The following SIPA1L2 variants were observed in gnomAD, a reference collection of about 807,000 sequenced individuals.
The protein encoded by SIPA1L2 is signal-induced proliferation-associated 1-like protein 2.
SIPA1L2 carries 56 observed loss-of-function variants against 163.9 expected under a neutral mutation model. The ratio of observed to expected loss-of-function variants is 0.34; its 90% CI spans 0.28 to 0.43. The LOEUF is 0.43. Among genes scored for constraint, SIPA1L2 ranks in the 20% least tolerant of loss-of-function variants. The pLI, the probability that SIPA1L2 is intolerant of heterozygous loss-of-function variation, is 1.00. For synonymous variants in SIPA1L2, 877 were observed against 865.7 expected, an observed-to-expected ratio of 1.01 and a Z score of -0.23; for missense variants, 1,974 against 2,193.5, an observed-to-expected ratio of 0.90 and a Z score of 2.00.
chr1:232,513,836 A>G (rs200189337), intron 3 of SIPA1L2, 21 bp downstream of exon 3: 1 of 1,534,894 alleles, frequency 6.5e-7, no homozygotes, highest in African/African-American at 1.4e-5. Context: ...ACACATGCAA[A>G]CGCCCATGGC....
intron 3 of SIPA1L2, among the ~76,000 whole-genome samples, chr1:232,511,898 C>G (rs1281382018): frequency 6.6e-6 from 1 of 152,124 alleles, no homozygotes; most frequent in Non-Finnish European, 1.5e-5. Flanking sequence ...AACTAAAGAG[C>G]TTCTACACAG....
In SIPA1L2 at chr1:232,483,284, C is replaced by T. The variant is rs1271395707; in HGVS notation, c.1981+508G>A. On this transcript the variant is annotated intron_variant, in intron 6 of 22. Coordinates refer to ENST00000674635, the MANE Select transcript of SIPA1L2 (RefSeq NM_020808.5). ...TTTTTAATTTTAGATCCAGGGGGTA[C>T]ATGTGCAAGTCTGTTATAAGGGGAT... Among the ~76,000 whole-genome samples the T allele has an allele frequency of 4.0e-5, 6 of 149,568 alleles. No homozygotes were observed. The Admixed American group carries it at 4.0e-4, about 10-fold the overall frequency.
rs1394438816 is a variant in SIPA1L2, at chr1:232,514,776, C to A, written c.564G>T (p.Leu188=). ...ATGAAGTACTTCCATACTCCCTGTGCAGGGCAGCCCCGGTGTTGGGGTTGA... is the reference window on the plus strand; with the variant it reads ...ATGAAGTACTTCCATACTCCCTGTGAAGGGCAGCCCCGGTGTTGGGGTTGA... ...NAVNPNTGAA[L]HREYGSTSSI... Residue 188 remains leucine, a synonymous_variant, in exon 3 of 23, where the codon CTG becomes CTT. Coordinates refer to ENST00000674635, the MANE Select transcript of SIPA1L2 (RefSeq NM_020808.5). The A allele has an allele frequency of 6.2e-7, 1 of 1,614,204 alleles. No individual in the cohort carries two copies. The highest frequency in any genetic ancestry group is 2.2e-5 in the East Asian group (1 of 44,878).
intron 1 of SIPA1L2, among the ~76,000 whole-genome samples, chr1:232,629,401 C>A (rs1310341005): frequency 6.6e-6 from 1 of 152,222 alleles, no homozygotes; most frequent in Non-Finnish European, 1.5e-5. Context: ...AGGGATCCGT[C>A]CCGGTGAGGG....
rs201264122 is a variant in SIPA1L2 at position 232,489,495 on chromosome 1, G to GTTTT, written c.1806+1375_1806+1378dup. 6.2e-5 allele frequency among the ~76,000 whole-genome samples: 9 copies of GTTTT among 144,648 alleles called. No homozygotes were observed. In the East Asian group the frequency reaches 1.2e-3, roughly 19 times the overall value. The allele number at this position is 144,648 out of a possible 152,430, so 94.9% of individuals were successfully genotyped here. ...GTCACCTGCTCAAGTTTAGAGTATG[G>GTTTT]TTTTTTTTTTTTAATATGTCAGCTT... On this transcript the variant is annotated intron_variant, in intron 5 of 22. Coordinates refer to ENST00000674635, the MANE Select transcript of SIPA1L2 (RefSeq NM_020808.5).
chr1:232,545,365 C>T (rs1657971218), intron 2 of SIPA1L2, among the ~76,000 whole-genome samples: 1 of 152,160 alleles, frequency 6.6e-6, no homozygotes. Context: ...AATTCAAGCA[C>T]TTGACTCATG....
chr1:232,535,262 G>C (rs1015596332), intron 2 of SIPA1L2, among the ~76,000 whole-genome samples: 1 of 152,112 alleles, frequency 6.6e-6, no homozygotes, highest in Admixed American at 6.6e-5. Flanking sequence ...TTTTAAAGCT[G>C]TCATAATTTA....
In SIPA1L2 at chr1:232,622,982, G is replaced by A. The variant is rs1295674455; in HGVS notation, c.-319+6887C>T. 2.0e-5 allele frequency among the ~76,000 whole-genome samples: 3 copies of A among 152,178 alleles called. No homozygotes were observed. In the East Asian group the frequency reaches 5.8e-4, roughly 29 times the overall value. Reference sequence around the variant, plus strand: ...TGTGGCAAAAACCACCTAAGTGCAGGGAATACAGCAGTAAACCAGAAATGT... The same window carrying A: ...TGTGGCAAAAACCACCTAAGTGCAGAGAATACAGCAGTAAACCAGAAATGT... On this transcript the variant is annotated intron_variant, in intron 1 of 22. Transcript: ENST00000674635.
intron 10 of SIPA1L2, among the ~76,000 whole-genome samples, chr1:232,459,878 A>G (rs1664135172): frequency 6.6e-6 from 1 of 152,172 alleles, no homozygotes; most frequent in Non-Finnish European, 1.5e-5. Flanking sequence ...TAAGTGCTTT[A>G]CATGTGTTAC....
intron 3 of SIPA1L2, among the ~76,000 whole-genome samples, chr1:232,501,231 G>C (rs1176570106): frequency 6.6e-6 from 1 of 151,798 alleles, no homozygotes; most frequent in Admixed American, 6.6e-5. Flanking sequence ...CTAATGCAAT[G>C]AAGCATTTAC....
chr1:232,522,521 A>C (rs1667504326), intron 2 of SIPA1L2, among the ~76,000 whole-genome samples: 1 of 149,462 alleles, frequency 6.7e-6, no homozygotes, highest in African/African-American at 2.5e-5. Context: ...TTTTACTCTA[A>C]GTTACACCAG....
chr1:232,417,989 G>C (rs1661356789), intron 18 of SIPA1L2, among the ~76,000 whole-genome samples: 1 of 152,174 alleles, frequency 6.6e-6, no homozygotes, highest in Non-Finnish European at 1.5e-5. Context: ...ATTCTATTCA[G>C]ATACACGGCC....
chr1:232,465,509 CAT>C lies in SIPA1L2; in HGVS notation c.2244-95_2244-94del, dbSNP rs1310819138. The C allele has an allele frequency of 2.3e-5, 21 of 924,232 alleles. No individual in the cohort carries two copies. Among genetic ancestry groups the C allele is most frequent in the African/African-American group, 1.2e-4 (7 of 56,706 alleles). 57.3% of individuals were successfully genotyped at this position (924,232 alleles called of 1,614,324 possible). A position where few individuals can be genotyped will look rare whatever the true frequency, so the allele number is the denominator to read the frequency against. ...TGACATATATATACACACACACACA[CAT>C]ATACATACACACACACACACACATA... On this transcript the variant is annotated intron_variant, in intron 8 of 22. Coordinates refer to ENST00000674635, the MANE Select transcript of SIPA1L2 (RefSeq NM_020808.5). This position sits in a 1 kb window ranked among gnomAD's most constrained non-coding sequence, Gnocchi z 4.1.
intron 2 of SIPA1L2, among the ~76,000 whole-genome samples, chr1:232,572,224 C>T (rs974794415): frequency 1.4e-4 from 21 of 152,124 alleles, no homozygotes; most frequent in African/African-American, 3.9e-4. Flanking sequence ...CCTTAGCTGG[C>T]CAGCAGGCTA....
At chr1:232,625,185 A>G (rs952449495) in intron 1 of SIPA1L2, among the ~76,000 whole-genome samples, 3 of 152,246 alleles carry the variant, frequency 2.0e-5, no homozygotes, top group African/African-American at 7.2e-5. Context: ...GTTATAAGAT[A>G]TGAAGAGCAT....
At chr1:232,474,105 A>G (rs970030579) in intron 7 of SIPA1L2, among the ~76,000 whole-genome samples, 26 of 152,134 alleles carry the variant, frequency 1.7e-4, no homozygotes, top group Non-Finnish European at 3.1e-4. Flanking sequence ...GCAAACCACA[A>G]ACGAACGCAG....
chr1:232,608,700 C>A (rs559459757), intron 1 of SIPA1L2, among the ~76,000 whole-genome samples: 11 of 152,248 alleles, frequency 7.2e-5, no homozygotes, highest in South Asian at 4.1e-4. Flanking sequence ...ATTACAAACA[C>A]GAGGAGATCC....
At position 232,564,108 on chromosome 1, in the gene SIPA1L2, G is replaced by C. The variant is rs528082426; in HGVS notation, c.-270+10066C>G. On this transcript the variant is annotated intron_variant, in intron 2 of 22. Coordinates refer to ENST00000674635, the MANE Select transcript of SIPA1L2 (RefSeq NM_020808.5). ...TCCTGGCCAAGGAAGGTTTCATCAT[G>C]TTGGCCAGACTGAACGACGAAGGTT... 2.6e-4 allele frequency among the ~76,000 whole-genome samples: 28 copies of C among 108,480 alleles called. 1 individual carries two copies. The highest frequency in any genetic ancestry group is 1.3e-3 in the African/African-American group (28 of 21,812). The allele number at this position is 108,480 out of a possible 152,430, so 71.2% of individuals were successfully genotyped here.
intron 1 of SIPA1L2, among the ~76,000 whole-genome samples, chr1:232,608,068 AAC>A (rs1553323442): frequency 2.8e-5 from 4 of 141,952 alleles, no homozygotes; most frequent in East Asian, 2.4e-4. Context: ...AAAAAAAAAA[AAC>A]GAGTCTTACT....
Sources: gnomAD v4.1 joint callset for allele counts (sites outside exome capture counted in the v4.1 genomes callset) on GRCh38, gnomAD v4.1.1 for gene constraint, Gnocchi (gnomAD v3.1) non-coding constraint, MANE v1.5 for transcripts, NCBI Gene and HGNC (gene_info 2026-07-23, HGNC 2026-07-21) for gene names.